Variants in EDA observed in about 807,000 individuals in gnomAD.
EDA encodes the protein ectodysplasin-A.
Under a neutral mutation model 23.6 loss-of-function variants are expected in EDA, and 2 were observed. The observed-to-expected ratio is 0.08, with a 90% CI of 0.03 to 0.27. EDA has a LOEUF of 0.27. Among genes scored for constraint, EDA ranks in the 10% least tolerant of loss-of-function variants. EDA has a pLI of 1.00. For missense variants in EDA, 229 were observed against 324.2 expected, an observed-to-expected ratio of 0.71 and a Z score of 2.26; for synonymous variants, 131 against 132.0, an observed-to-expected ratio of 0.99 and a Z score of 0.05.
intron 1 of EDA, among the ~76,000 whole-genome samples, chrX:69,723,327 A>G (rs758705585): frequency 1.8e-5 from 2 of 112,157 alleles, no homozygotes; most frequent in African/African-American, 6.5e-5. Flanking sequence ...ATGCTACAAA[A>G]GTTTTTGCTT....
intron 1 of EDA, among the ~76,000 whole-genome samples, chrX:69,672,839 G>A (rs1162596720): frequency 3.8e-5 from 4 of 105,583 alleles, no homozygotes; most frequent in Non-Finnish European, 5.8e-5. Flanking sequence ...CCGAGATTGC[G>A]CCACTGCACT....
chrX:69,732,983 A>G (rs1302331782), intron 1 of EDA, among the ~76,000 whole-genome samples: 63 of 109,414 alleles, frequency 5.8e-4, no homozygotes, highest in Non-Finnish European at 1.0e-3. Context: ...TAAATTCTTC[A>G]TAGATTCTGG....
intron 1 of EDA, among the ~76,000 whole-genome samples, chrX:69,623,844 G>A (rs976456949): frequency 1.8e-5 from 2 of 110,171 alleles, no homozygotes; most frequent in Non-Finnish European, 3.8e-5. Flanking sequence ...GTTTTAAATA[G>A]GAATTTTATA....
At chrX:69,829,112 T>G (rs1375632270) in intron 1 of EDA, among the ~76,000 whole-genome samples, 1 of 112,586 alleles carries the variant, frequency 8.9e-6, no homozygotes, top group Non-Finnish European at 1.9e-5. Flanking sequence ...TTTTCTTGTT[T>G]GCTTTTTTCC....
At chrX:69,702,995 G>C (rs781120332) in intron 1 of EDA, among the ~76,000 whole-genome samples, 3 of 109,468 alleles carry the variant, frequency 2.7e-5, no homozygotes, top group Non-Finnish European at 5.7e-5. Flanking sequence ...GCTGTCCTTT[G>C]GAATGGAAGA....
At chrX:69,754,422 G>C (rs2014021965) in intron 1 of EDA, among the ~76,000 whole-genome samples, 1 of 112,121 alleles carries the variant, frequency 8.9e-6, no homozygotes, top group Non-Finnish European at 1.9e-5. Context: ...TAGAGTTTCT[G>C]CCGAGAGATC....
intron 1 of EDA, among the ~76,000 whole-genome samples, chrX:69,793,526 C>T (rs759236754): frequency 9.3e-6 from 1 of 107,067 alleles, no homozygotes; most frequent in Admixed American, 1.0e-4. Flanking sequence ...TTAAGCTTGT[C>T]CCCTAATGGT....
intron 1 of EDA, among the ~76,000 whole-genome samples, chrX:69,837,564 A>G (rs1054275131): frequency 1.6e-4 from 18 of 112,481 alleles, no homozygotes; most frequent in African/African-American, 5.8e-4. Context: ...ATTCTTCAAG[A>G]CACATATGAA....
intron 1 of EDA, among the ~76,000 whole-genome samples, chrX:69,826,556 A>G (rs1358756617): frequency 3.7e-5 from 4 of 108,954 alleles, no homozygotes; most frequent in Non-Finnish European, 1.9e-5. Context: ...TGCTTGGTAG[A>G]TCTTCCTCCA....
intron 1 of EDA, among the ~76,000 whole-genome samples, chrX:69,664,709 A>T (rs1472431512): frequency 2.7e-5 from 3 of 110,421 alleles, no homozygotes; most frequent in Non-Finnish European, 5.7e-5. Context: ...TAGTTTCTTT[A>T]TCCATTTGTC....
rs763687144 is a variant in EDA at position 70,029,543 on chromosome X, G to T, written c.741+5G>T. 6 of 1,211,074 alleles carry T rather than the reference G, an allele frequency of 5.0e-6. No individual in the cohort carries two copies. Among genetic ancestry groups the T allele is most frequent in the Non-Finnish European group, 6.7e-6 (6 of 894,643 alleles). Reference sequence around the variant, plus strand: ...GCTGGAACTCGAGAAAACCAGGTTGGCTGGGGATTGCTCTCTTCCTGGGTA... The same window carrying T: ...GCTGGAACTCGAGAAAACCAGGTTGTCTGGGGATTGCTCTCTTCCTGGGTA... On this transcript the variant is annotated splice_donor_5th_base_variant and intron_variant, in intron 5 of 7. Transcript: ENST00000374552.
chrX:69,969,483 T>C (rs992601974), intron 2 of EDA, among the ~76,000 whole-genome samples: 9 of 112,110 alleles, frequency 8.0e-5, no homozygotes, highest in African/African-American at 2.9e-4. Flanking sequence ...GTATGAATTG[T>C]ATACTTCCAA....
chrX:69,690,889 A>G (rs1269134562), intron 1 of EDA, among the ~76,000 whole-genome samples: 2 of 111,625 alleles, frequency 1.8e-5, no homozygotes, highest in Non-Finnish European at 3.8e-5. Context: ...TTCCCATTTC[A>G]TCTAAGTTAT....
intron 2 of EDA, among the ~76,000 whole-genome samples, chrX:69,963,787 A>C (rs1207357798): frequency 1.8e-5 from 2 of 111,672 alleles, no homozygotes; most frequent in Non-Finnish European, 3.8e-5. Flanking sequence ...TCCTGTACTT[A>C]GTATGTAAGG....
intron 1 of EDA, among the ~76,000 whole-genome samples, chrX:69,835,166 T>C (rs1448782040): frequency 8.9e-6 from 1 of 112,164 alleles, no homozygotes; most frequent in Non-Finnish European, 1.9e-5. Context: ...CATTTCAACC[T>C]TGGTGAATCT....
At chrX:69,671,897 G>C (rs1400146239) in intron 1 of EDA, among the ~76,000 whole-genome samples, 1 of 111,916 alleles carries the variant, frequency 8.9e-6, no homozygotes, top group Non-Finnish European at 1.9e-5. Context: ...CTTTTCAAAA[G>C]AAACTCCATG....
At position 69,793,836 on chromosome X, in the gene EDA, G is replaced by T. The variant is rs746118000; in HGVS notation, c.397-163191G>T. Among the ~76,000 whole-genome samples, 4 of 110,759 alleles carry T rather than the reference G, an allele frequency of 3.6e-5. No homozygotes were observed. The East Asian group carries it at 1.1e-3, about 32-fold the overall frequency. ...TAGTGTCTCCTATTTTTAGCTTCTA[G>T]CAGAAGGTGGGTTTTAGCAGAAAAG... On this transcript the variant is annotated intron_variant, in intron 1 of 7. Transcript: ENST00000374552.
chrX:69,654,107 A>C (rs756176081), intron 1 of EDA, among the ~76,000 whole-genome samples: 1 of 112,173 alleles, frequency 8.9e-6, no homozygotes, highest in East Asian at 2.8e-4. Context: ...CAAGAAAAAA[A>C]CAAACAAATC....
intron 2 of EDA, among the ~76,000 whole-genome samples, chrX:69,966,079 A>G (rs1210566058): frequency 1.8e-5 from 2 of 112,073 alleles, no homozygotes; most frequent in African/African-American, 6.5e-5. Context: ...TGGTCATGAT[A>G]TGCCATTTTC....
Sources: allele counts gnomAD v4.1 joint callset (sites outside exome capture counted in the v4.1 genomes callset), GRCh38; gene constraint gnomAD v4.1.1; transcripts MANE v1.5; gene names NCBI Gene and HGNC (gene_info 2026-07-23, HGNC 2026-07-21).